The following MCCC1 variants were observed in gnomAD, a reference collection of about 807,000 sequenced individuals.
The protein encoded by MCCC1 is methylcrotonoyl-CoA carboxylase subunit alpha, mitochondrial.
MCCC1 carries 64 observed loss-of-function variants against 83.8 expected under a neutral mutation model. The observed-to-expected ratio is 0.76, with a 90% CI of 0.62 to 0.94. The LOEUF (loss-of-function observed/expected upper bound fraction) is 0.94. MCCC1 is among the 40% of genes least tolerant of loss of function. The probability of loss-of-function intolerance (pLI) is 0.00; values close to 1 mark genes in which losing one functional copy is unlikely to be tolerated. For missense variants in MCCC1, 807 were observed against 904.7 expected, an observed-to-expected ratio of 0.89 and a Z score of 1.39; for synonymous variants, 322 against 315.4, an observed-to-expected ratio of 1.02 and a Z score of -0.22.
intron 4 of MCCC1, among the ~76,000 whole-genome samples, chr3:183,084,681 G>A (rs1336917784): frequency 6.6e-6 from 1 of 152,150 alleles, no homozygotes; most frequent in Admixed American, 6.5e-5. Flanking sequence ...CAACACTTTG[G>A]GAGGCTGAGG....
intron 14 of MCCC1, among the ~76,000 whole-genome samples, chr3:183,031,491 C>T (rs1406353997): frequency 1.4e-5 from 1 of 72,708 alleles, no homozygotes; most frequent in African/African-American, 5.5e-5. Flanking sequence ...CTTCTGGCAC[C>T]TTTTTTTTTT....
chr3:183,093,831 A>C (rs1393637394), intron 2 of MCCC1, among the ~76,000 whole-genome samples: 1 of 152,104 alleles, frequency 6.6e-6, no homozygotes, highest in African/African-American at 2.4e-5. Context: ...ATACTTTATT[A>C]CACTTTTATA....
Position 183,071,328 on chromosome 3 carries a change from C to T in MCCC1, c.521G>A (p.Gly174Glu). The change falls in exon 6 of 19, where the codon GGA becomes GAA. Residue 174 changes from glycine to glutamate, a missense_variant. Physicochemically the swap from Gly to Glu is moderately conservative, Grantham distance 98 (BLOSUM62 -2). Transcript: ENST00000265594. ...STSKSIMAAA[G>E]VPVVEGYHGE... ...ATGATAACCCTCCACAACAGGTACT[C>T]CAGCAGCAGCCATTATGGATTTGGA... The T allele has an allele frequency of 6.2e-7, 1 of 1,614,186 alleles. No homozygotes were observed. Among genetic ancestry groups the T allele is most frequent in the Non-Finnish European group, 8.5e-7 (1 of 1,180,034 alleles).
At chr3:183,091,241 T>C (rs967105492) in intron 3 of MCCC1, among the ~76,000 whole-genome samples, 1 of 152,018 alleles carries the variant, frequency 6.6e-6, no homozygotes, top group African/African-American at 2.4e-5. Context: ...ACAGTGGGAG[T>C]CACCTATGCT....
Position 183,086,690 on chromosome 3 carries a change from C to T in MCCC1, c.369+3G>A, listed in dbSNP as rs1456917804. 1 of 1,613,688 alleles carries T rather than the reference C, an allele frequency of 6.2e-7. No individual in the cohort carries two copies. The highest frequency in any genetic ancestry group is 2.2e-5 in the East Asian group (1 of 44,886). ...GCACTGCAAATCTCTTCACAACCCT[C>T]ACCTGTGCAGCAGAGGTCTTGGCCA... On this transcript the variant is annotated splice_donor_region_variant and intron_variant, in intron 4 of 18. Transcript: ENST00000265594.
intron 10 of MCCC1, among the ~76,000 whole-genome samples, chr3:183,045,075 C>T (rs1714433383): frequency 6.6e-6 from 1 of 151,628 alleles, no homozygotes; most frequent in Non-Finnish European, 1.5e-5. Flanking sequence ...CCTCACATCC[C>T]TCCCATCAAG....
chr3:183,053,712 G>T (rs551547068), intron 8 of MCCC1, among the ~76,000 whole-genome samples: 2 of 150,358 alleles, frequency 1.3e-5, no homozygotes, highest in African/African-American at 2.4e-5. Flanking sequence ...GGCTGAGGCA[G>T]GAGAATGGCG....
intron 18 of MCCC1, 80 bp downstream of exon 18, chr3:183,017,186 C>T (rs766858335): frequency 3.3e-5 from 42 of 1,286,540 alleles, no homozygotes; most frequent in Non-Finnish European, 4.1e-5. Context: ...GTGGTATTAA[C>T]TTACAAAATA....
chr3:183,110,576 A>C (rs1308159948), intron 1 of MCCC1, among the ~76,000 whole-genome samples: 1 of 151,796 alleles, frequency 6.6e-6, no homozygotes, highest in Non-Finnish European at 1.5e-5. Context: ...TGTATTTTTT[A>C]GTGGAGACGG....
Position 183,089,922 on chromosome 3 carries a change from T to C in MCCC1, c.273+2487A>G, listed in dbSNP as rs374075118. The stretch of plus-strand genomic sequence containing the variant: ...CACTAGTTTGGTACCTGTGACAATA[T>C]TGAAGTGGAGATGTTGAATGGGCAG... On this transcript the variant is annotated intron_variant, in intron 3 of 18. Coordinates refer to ENST00000265594, the MANE Select transcript of MCCC1 (RefSeq NM_020166.5). Among the ~76,000 whole-genome samples, 23 of 152,262 alleles carry C rather than the reference T, an allele frequency of 1.5e-4. No individual in the cohort carries two copies. In the South Asian group the frequency reaches 2.1e-3, roughly 14 times the overall value.
At chr3:183,055,988 C>T (rs1215649880) in intron 8 of MCCC1, among the ~76,000 whole-genome samples, 1 of 151,936 alleles carries the variant, frequency 6.6e-6, no homozygotes, top group African/African-American at 2.4e-5. Flanking sequence ...GAGTGATGTG[C>T]CTAATGATTA....
intron 4 of MCCC1, among the ~76,000 whole-genome samples, chr3:183,079,252 T>G (rs751128326): frequency 6.6e-6 from 1 of 152,206 alleles, no homozygotes; most frequent in Non-Finnish European, 1.5e-5. Context: ...ACATCTCGTC[T>G]GAGACAAGGC....
chr3:183,022,622 T>C, intron 15 of MCCC1, 68 bp from the exon 16 acceptor site: 1 of 1,318,754 alleles, frequency 7.6e-7, no homozygotes, highest in Non-Finnish European at 1.1e-6. Flanking sequence ...AAGATCAGAA[T>C]CAATTCTTCA....
intron 7 of MCCC1, among the ~76,000 whole-genome samples, chr3:183,070,077 T>C (rs1186629284): frequency 6.6e-6 from 1 of 152,218 alleles, no homozygotes; most frequent in African/African-American, 2.4e-5. Context: ...GTTGTAAGAA[T>C]TATATTAGAA....
intron 11 of MCCC1, among the ~76,000 whole-genome samples, chr3:183,041,066 C>T (rs1714044026): frequency 6.6e-6 from 1 of 152,176 alleles, no homozygotes; most frequent in African/African-American, 2.4e-5. Context: ...AGAGCAGTGC[C>T]TGTAAGTAGG....
upstream of MCCC1, among the ~76,000 whole-genome samples, chr3:183,102,810 G>T (rs1014007880): frequency 1.5e-5 from 1 of 65,252 alleles, no homozygotes; most frequent in African/African-American, 5.3e-5. Context: ...TTTTTGAGAC[G>T]AAGTCTCTCT....
At chr3:183,080,259 C>T (rs6785198) in intron 4 of MCCC1, among the ~76,000 whole-genome samples, 3,679 of 152,292 alleles carry the variant, frequency 0.024, 163 homozygotes, top group African/African-American at 0.085. Context: ...TGCTCTGCTT[C>T]CCTTATAAAA....
At chr3:183,103,742 G>T (rs878922245), upstream of MCCC1, among the ~76,000 whole-genome samples, 1 of 152,224 alleles carries the variant, frequency 6.6e-6, no homozygotes, top group African/African-American at 2.4e-5. Flanking sequence ...CGCGCCGTGC[G>T]CCCGCACTCC....
At chr3:183,076,254 T>TA in intron 4 of MCCC1, among the ~76,000 whole-genome samples, 1 of 152,326 alleles carries the variant, frequency 6.6e-6, no homozygotes, top group East Asian at 1.9e-4. Context: ...GTTTTGCCTT[T>TA]AAAAAAATTC....
Sources: allele counts gnomAD v4.1 joint callset (sites outside exome capture counted in the v4.1 genomes callset), GRCh38; gene constraint gnomAD v4.1.1; transcripts MANE v1.5; gene names NCBI Gene and HGNC (gene_info 2026-07-23, HGNC 2026-07-21).